ADAMTS19: variants seen among roughly 807,000 people sequenced by gnomAD.
The protein encoded by ADAMTS19 is ADAM metallopeptidase with thrombospondin type 1 motif 19, also known as A disintegrin and metalloproteinase with thrombospondin motifs 19.
ADAMTS19 carries 93 observed loss-of-function variants against 153.3 expected under a neutral mutation model. The ratio of observed to expected loss-of-function variants is 0.61; its 90% confidence interval spans 0.51 to 0.72. The LOEUF (loss-of-function observed/expected upper bound fraction) is 0.72. Ranked by LOEUF, ADAMTS19 falls within the 30% of genes least tolerant of loss-of-function variation. The probability of loss-of-function intolerance (pLI) is 0.00; values close to 1 mark genes in which losing one functional copy is unlikely to be tolerated. For synonymous variants in ADAMTS19, 600 were observed against 556.6 expected (o/e 1.08, Z -1.10); for missense variants, 1,482 against 1,552.1 (o/e 0.95, Z 0.76).
intron 4 of ADAMTS19, among the ~76,000 whole-genome samples, chr5:129,526,813 TA>T (rs1370297360): frequency 1.3e-5 from 2 of 151,798 alleles, no homozygotes; most frequent in Non-Finnish European, 2.9e-5. Context: ...TTTATTTATT[TA>T]TTTTTTTGGT....
intron 2 of ADAMTS19, among the ~76,000 whole-genome samples, chr5:129,463,174 C>A (rs1749745679): frequency 6.6e-6 from 1 of 152,134 alleles, no homozygotes; most frequent in Non-Finnish European, 1.5e-5. Flanking sequence ...TAGCTTTTGG[C>A]TGGGGATTAA....
intron 2 of ADAMTS19, among the ~76,000 whole-genome samples, chr5:129,483,458 T>C (rs978203784): frequency 6.6e-6 from 1 of 152,212 alleles, no homozygotes; most frequent in Non-Finnish European, 1.5e-5. Flanking sequence ...CCATGCATTG[T>C]AGGCTATTTA....
chr5:129,536,934 A>G (rs1185537316), intron 6 of ADAMTS19, among the ~76,000 whole-genome samples: 1 of 151,058 alleles, frequency 6.6e-6, no homozygotes, highest in Non-Finnish European at 1.5e-5. Context: ...GGGGAGGGAT[A>G]GCATTAGGAG....
At chr5:129,596,864 A>T (rs1750404778) in intron 8 of ADAMTS19, among the ~76,000 whole-genome samples, 200 bp downstream of exon 8, 1 of 152,020 alleles carries the variant, frequency 6.6e-6, no homozygotes, top group Non-Finnish European at 1.5e-5. Flanking sequence ...TTTGAATAAA[A>T]TCTTATTACA....
chr5:129,579,005 A>G (rs1048556583), intron 7 of ADAMTS19, among the ~76,000 whole-genome samples: 3 of 152,182 alleles, frequency 2.0e-5, no homozygotes, highest in African/African-American at 7.2e-5. Context: ...TAGATCCTTG[A>G]GGAATTGCCA....
chr5:129,497,158 C>CTCTTT (rs1205562127), intron 2 of ADAMTS19, among the ~76,000 whole-genome samples: 3 of 152,180 alleles, frequency 2.0e-5, no homozygotes, highest in East Asian at 3.9e-4. Flanking sequence ...GGAGAGCTTA[C>CTCTTT]TCTTTTCTTT....
At chr5:129,665,626 TC>T in intron 16 of ADAMTS19, 47 bp downstream of exon 16, 1 of 1,444,326 alleles carries the variant, frequency 6.9e-7, no homozygotes, top group Non-Finnish European at 9.6e-7. Context: ...CGAGCCCAAC[TC>T]CCTGCCCTGA....
intron 8 of ADAMTS19, among the ~76,000 whole-genome samples, chr5:129,618,439 A>G (rs1242211694): frequency 6.6e-6 from 1 of 151,988 alleles, no homozygotes; most frequent in East Asian, 1.9e-4. Flanking sequence ...TAAATTTAGC[A>G]TGGTGATAGA....
intron 6 of ADAMTS19, among the ~76,000 whole-genome samples, chr5:129,543,124 A>C (rs1324065671): frequency 6.6e-6 from 1 of 150,956 alleles, no homozygotes; most frequent in Non-Finnish European, 1.5e-5. Flanking sequence ...ATCTTGGCTC[A>C]CCACAACCTC....
chr5:129,580,715 G>C (rs1481154313), intron 7 of ADAMTS19, among the ~76,000 whole-genome samples: 3 of 152,170 alleles, frequency 2.0e-5, no homozygotes, highest in African/African-American at 7.2e-5. Context: ...CATTGGTTCT[G>C]TTTATGTGAT....
chr5:129,527,971 C>A (rs532590451), intron 5 of ADAMTS19, 140 bp downstream of exon 5: 33 of 493,790 alleles, frequency 6.7e-5, no homozygotes, highest in Non-Finnish European at 9.8e-5. Context: ...ATAAAACTGG[C>A]CTTTAGTTTT....
chr5:129,504,108 A>G (rs1373700346), intron 2 of ADAMTS19, among the ~76,000 whole-genome samples: 1 of 152,084 alleles, frequency 6.6e-6, no homozygotes, highest in African/African-American at 2.4e-5. Context: ...ATATGAGTTT[A>G]TTTTATTTTC....
intron 20 of ADAMTS19, among the ~76,000 whole-genome samples, chr5:129,703,615 C>G (rs766756329): frequency 6.6e-5 from 10 of 151,898 alleles, no homozygotes; most frequent in Non-Finnish European, 1.5e-4. Flanking sequence ...GCTTATAATC[C>G]CAACTACTTG....
chr5:129,527,713 T>A, intron 4 of ADAMTS19, 35 bp from the exon 5 acceptor site: 1 of 1,302,078 alleles, frequency 7.7e-7, no homozygotes, highest in Non-Finnish European at 1.1e-6. Flanking sequence ...GATTTTCAGT[T>A]TAATTTTAGG....
intron 9 of ADAMTS19, among the ~76,000 whole-genome samples, chr5:129,621,408 C>A (rs1215207883): frequency 6.6e-6 from 1 of 152,130 alleles, no homozygotes; most frequent in African/African-American, 2.4e-5. Context: ...CAAAACAAGT[C>A]TTAGTGAGAA....
chr5:129,524,926 C>T (rs1300345589), intron 3 of ADAMTS19, among the ~76,000 whole-genome samples: 1 of 152,088 alleles, frequency 6.6e-6, no homozygotes, highest in Non-Finnish European at 1.5e-5. Context: ...ACTACCTAAT[C>T]TTTTGTACTT....
intron 21 of ADAMTS19, among the ~76,000 whole-genome samples, chr5:129,727,545 A>G (rs1757257155): frequency 6.6e-6 from 1 of 152,214 alleles, no homozygotes; most frequent in Non-Finnish European, 1.5e-5. Context: ...AGCAACTTTC[A>G]AGTATTAAAT....
intron 10 of ADAMTS19, among the ~76,000 whole-genome samples, chr5:129,640,714 C>G (rs1451896590): frequency 6.6e-6 from 1 of 152,140 alleles, no homozygotes; most frequent in East Asian, 1.9e-4. Context: ...TATGCCTTCC[C>G]CATTTCTACT....
At chr5:129,729,930 C>T (rs776443484) in intron 21 of ADAMTS19, among the ~76,000 whole-genome samples, 34 of 152,018 alleles carry the variant, frequency 2.2e-4, no homozygotes, top group Non-Finnish European at 4.3e-4. Context: ...CCTTCTTTAT[C>T]ACATCAGAGT....
Sources: gnomAD v4.1 joint callset for allele counts (sites outside exome capture counted in the v4.1 genomes callset) on GRCh38, gnomAD v4.1.1 for gene constraint, MANE v1.5 for transcripts, NCBI Gene and HGNC (gene_info 2026-07-23, HGNC 2026-07-21) for gene names.